Variants in DLGAP1 observed in about 807,000 individuals in gnomAD.
The protein encoded by DLGAP1 is DLG associated protein 1.
In DLGAP1, 11 loss-of-function variants were observed where a neutral mutation model predicts 90.8. That is an observed-to-expected ratio of 0.12 (90% CI 0.08 to 0.20). The LOEUF is 0.20. DLGAP1 is among the 10% of genes least tolerant of loss of function. The pLI, the probability that DLGAP1 is intolerant of heterozygous loss-of-function variation, is 1.00. For synonymous variants in DLGAP1, 558 were observed against 540.7 expected (o/e 1.03, Z -0.44); for missense variants, 1,050 against 1,333.8 (o/e 0.79, Z 3.31).
chr18:4,382,684 G>C (rs1332367376), intron 1 of DLGAP1, among the ~76,000 whole-genome samples: 1 of 152,010 alleles, frequency 6.6e-6, no homozygotes, highest in Non-Finnish European at 1.5e-5. Flanking sequence ...AACTCTAAAA[G>C]ATAGGAATGC....
At chr18:4,434,083 G>A (rs2083347243) in intron 1 of DLGAP1, among the ~76,000 whole-genome samples, 1 of 151,750 alleles carries the variant, frequency 6.6e-6, no homozygotes, top group Admixed American at 6.6e-5. Context: ...CAACCCAAAA[G>A]GTATCCCTTT....
At chr18:3,735,438 T>C (rs2062599544) in intron 6 of DLGAP1, among the ~76,000 whole-genome samples, 1 of 152,184 alleles carries the variant, frequency 6.6e-6, no homozygotes, top group Admixed American at 6.5e-5. Flanking sequence ...TTGGCCAGGC[T>C]GATCTGGAAC....
At chr18:3,842,865 G>A (rs2068798434) in intron 4 of DLGAP1, among the ~76,000 whole-genome samples, 1 of 152,134 alleles carries the variant, frequency 6.6e-6, no homozygotes, top group Non-Finnish European at 1.5e-5. Flanking sequence ...GAGAATAGAT[G>A]AGGTCATATT....
At chr18:4,135,102 G>C (rs1224226286) in intron 2 of DLGAP1, among the ~76,000 whole-genome samples, 1 of 152,104 alleles carries the variant, frequency 6.6e-6, no homozygotes, top group Admixed American at 6.5e-5. Flanking sequence ...ATGACAAATT[G>C]GGCATTAAAA....
At chr18:3,750,347 T>C (rs1458502739) in intron 5 of DLGAP1, among the ~76,000 whole-genome samples, 1 of 152,238 alleles carries the variant, frequency 6.6e-6, no homozygotes, top group African/African-American at 2.4e-5. Context: ...GTATGCACCA[T>C]ATTTCTTTAT....
chr18:4,216,179 A>T lies in DLGAP1; in HGVS notation c.-266-64892T>A, dbSNP rs185676183. On this transcript the variant is annotated intron_variant, in intron 1 of 12. Coordinates refer to ENST00000315677, the MANE Select transcript of DLGAP1 (RefSeq NM_004746.4). ...CGTCCTTCTCATGGCAGCAACAAGG[A>T]GAAGTGCAGAGTGAAGCTGGAGAAA... is the stretch of plus-strand genomic sequence containing the variant. Among the ~76,000 whole-genome samples, 338 of 152,154 alleles carry T rather than the reference A, an allele frequency of 2.2e-3. 6 individuals are homozygous for T. Among genetic ancestry groups the T allele is most frequent in the Admixed American group, 0.02 (306 of 15,270 alleles).
At chr18:4,059,484 G>C (rs775877348) in intron 2 of DLGAP1, among the ~76,000 whole-genome samples, 5 of 152,222 alleles carry the variant, frequency 3.3e-5, no homozygotes, top group South Asian at 2.1e-4. Context: ...GGCCAAGACA[G>C]GTGGATCACC....
chr18:3,845,132 C>G, intron 4 of DLGAP1: 2 of 1,428,042 alleles, frequency 1.4e-6, no homozygotes, highest in Non-Finnish European at 1.9e-6. Context: ...ATGAAATTAA[C>G]TCCAGTATGT....
chr18:4,348,152 T>C (rs775261180), intron 1 of DLGAP1, among the ~76,000 whole-genome samples: 2 of 152,122 alleles, frequency 1.3e-5, no homozygotes, highest in Non-Finnish European at 2.9e-5. Flanking sequence ...ATTGTCTGAT[T>C]AAAGGTTTGT....
intron 2 of DLGAP1, among the ~76,000 whole-genome samples, chr18:4,110,099 G>C (rs1206809986): frequency 6.6e-6 from 1 of 152,070 alleles, no homozygotes; most frequent in Non-Finnish European, 1.5e-5. Context: ...ATCCAAATCT[G>C]TCATTGTGTG....
intron 3 of DLGAP1, among the ~76,000 whole-genome samples, chr18:3,914,751 G>T (rs2072106988): frequency 6.6e-6 from 1 of 151,960 alleles, no homozygotes; most frequent in Non-Finnish European, 1.5e-5. Flanking sequence ...TTTGATAATA[G>T]CCATGTTATT....
chr18:4,042,595 T>C (rs1240178773), intron 2 of DLGAP1, among the ~76,000 whole-genome samples: 1 of 152,058 alleles, frequency 6.6e-6, no homozygotes, highest in East Asian at 1.9e-4. Context: ...AAAAATTAGC[T>C]GGTCAGGGGT....
At chr18:3,542,094 A>G (rs1441759618) in intron 9 of DLGAP1, among the ~76,000 whole-genome samples, 1 of 152,168 alleles carries the variant, frequency 6.6e-6, no homozygotes, top group Non-Finnish European at 1.5e-5. Context: ...TCTCTTTCAC[A>G]TTAAGTATGT....
At chr18:3,608,338 A>G (rs2057426097) in intron 7 of DLGAP1, 1 of 61,660 alleles carries the variant, frequency 1.6e-5, no homozygotes. Flanking sequence ...AAAAAAAAAG[A>G]TGAGCTCACA....
In DLGAP1 at chr18:4,356,869, C is replaced by T. The variant is rs551765867; in HGVS notation, c.-267+98137G>A. ...GTTTGCTCTGCTCTAGTCCACTGGC[C>T]CCCTTGGTCTTTCTAGGACGTGCCA... On this transcript the variant is annotated intron_variant, in intron 1 of 12. Coordinates refer to ENST00000315677, the MANE Select transcript of DLGAP1 (RefSeq NM_004746.4). Among the ~76,000 whole-genome samples the T allele has an allele frequency of 3.9e-5, 6 of 152,218 alleles. No homozygotes were observed. In the East Asian group the frequency reaches 1.2e-3, roughly 29 times the overall value.
chr18:4,381,258 C>A (rs896439744), intron 1 of DLGAP1, among the ~76,000 whole-genome samples: 1 of 152,096 alleles, frequency 6.6e-6, no homozygotes, highest in Non-Finnish European at 1.5e-5. Flanking sequence ...GAGATGATTG[C>A]ATGATACATA....
chr18:4,269,354 A>ATATTTTTT lies in DLGAP1; in HGVS notation c.-266-118068_-266-118067insAAAAAATA, dbSNP rs1247401948. 8.3e-5 allele frequency among the ~76,000 whole-genome samples: 11 copies of ATATTTTTT among 132,112 alleles called. No homozygotes were observed. In the South Asian group the frequency reaches 1.2e-3, roughly 14 times the overall value. The allele number at this position is 132,112 out of a possible 152,430, so 86.7% of individuals were successfully genotyped here. ...TATACATATATATATATATATATATATTTTTTTTTTTCTTTTTGAGACGGA... is the reference window on the plus strand; with the variant it reads ...TATACATATATATATATATATATATATATTTTTTTTTTTTTTTTTCTTTTTGAGACGGA... On this transcript the variant is annotated intron_variant, in intron 1 of 12. Coordinates refer to ENST00000315677, the MANE Select transcript of DLGAP1 (RefSeq NM_004746.4).
chr18:3,606,150 T>C (rs2057317069), intron 7 of DLGAP1, among the ~76,000 whole-genome samples: 1 of 152,190 alleles, frequency 6.6e-6, no homozygotes, highest in Admixed American at 6.6e-5. Context: ...AGGCACAGTG[T>C]GCAGACAAAA....
At chr18:3,532,301 C>T (rs1032973998) in intron 10 of DLGAP1, among the ~76,000 whole-genome samples, 7 of 151,834 alleles carry the variant, frequency 4.6e-5, no homozygotes, top group Admixed American at 1.3e-4. Flanking sequence ...CATAATAGGC[C>T]GGGCACAGTG....
Sources: gnomAD v4.1 joint callset for allele counts (sites outside exome capture counted in the v4.1 genomes callset) on GRCh38, gnomAD v4.1.1 for gene constraint, MANE v1.5 for transcripts, NCBI Gene and HGNC (gene_info 2026-07-23, HGNC 2026-07-21) for gene names.